The following CEMIP2 variants were observed in gnomAD, a reference collection of about 807,000 sequenced individuals.
CEMIP2 encodes cell surface hyaluronidase CEMIP2.
A neutral mutation model predicts 146.9 loss-of-function variants in CEMIP2; 79 were observed. That is an observed-to-expected ratio of 0.54 (90% CI 0.45 to 0.65). CEMIP2 has a LOEUF of 0.65. CEMIP2 is among the 30% of genes least tolerant of loss of function. The pLI, the probability that CEMIP2 is intolerant of heterozygous loss-of-function variation, is 0.00. For missense variants in CEMIP2, 1,596 were observed against 1,696.2 expected (o/e 0.94, Z 1.04); for synonymous variants, 601 against 606.3 (o/e 0.99, Z 0.13).
intron 1 of CEMIP2, among the ~76,000 whole-genome samples, chr9:71,756,558 G>A (rs1824467314): frequency 6.6e-6 from 1 of 151,390 alleles, no homozygotes; most frequent in South Asian, 2.1e-4. Flanking sequence ...GAGAAAGAGA[G>A]ACAGAGAGAG....
upstream of CEMIP2, chr9:71,768,971 G>C (rs1019332692): frequency 6.6e-6 from 1 of 152,144 alleles, no homozygotes; most frequent in Non-Finnish European, 1.5e-5. Context: ...CAGAGGAGGC[G>C]GTGGCCCCGC....
At chr9:71,728,301 AC>A (rs1823503477) in intron 10 of CEMIP2, among the ~76,000 whole-genome samples, 2 of 34,436 alleles carry the variant, frequency 5.8e-5, no homozygotes, top group South Asian at 1.4e-3. Flanking sequence ...ATATATATAT[AC>A]ATATATATAT....
intron 13 of CEMIP2, 77 bp from the exon 14 acceptor site, chr9:71,716,629 T>C: frequency 2.3e-6 from 3 of 1,280,452 alleles, no homozygotes; most frequent in Non-Finnish European, 3.3e-6. Flanking sequence ...CAATATTTAA[T>C]TATCATGAAA....
At position 71,730,130 on chromosome 9, in the gene CEMIP2, T is replaced by C. The variant is rs958574092; in HGVS notation, c.1897A>G (p.Thr633Ala). The C allele has an allele frequency of 3.7e-6, 6 of 1,614,180 alleles. No homozygotes were observed. Among genetic ancestry groups the C allele is most frequent in the Non-Finnish European group, 5.1e-6 (6 of 1,180,040 alleles). The change falls in exon 9 of 24, where the codon ACC (threonine) becomes GCC (alanine). Residue 633 changes from threonine to alanine, a missense_variant. Coordinates refer to ENST00000377044, the MANE Select transcript of CEMIP2 (RefSeq NM_013390.3). ...LLTKPGTLLP[T>A]DRNNSMCTTM... ...GTACACATGGAGTTGTTCCTATCGG[T>C]GGGCAGGAGAGTACCCGGCTTGGTG...
chr9:71,756,863 G>T (rs1410977236), intron 1 of CEMIP2, among the ~76,000 whole-genome samples: 1 of 152,132 alleles, frequency 6.6e-6, no homozygotes, highest in Admixed American at 6.5e-5. Context: ...ATTATGAAAT[G>T]CAGTAGGCAC....
At chr9:71,710,201 G>A (rs573914090) in intron 16 of CEMIP2, among the ~76,000 whole-genome samples, 1 of 152,264 alleles carries the variant, frequency 6.6e-6, no homozygotes, top group East Asian at 1.9e-4. Flanking sequence ...AACACATAAT[G>A]TACAGCTGCA....
At chr9:71,703,087 A>G (rs1822621521) in intron 18 of CEMIP2, among the ~76,000 whole-genome samples, 1 of 152,238 alleles carries the variant, frequency 6.6e-6, no homozygotes, top group Admixed American at 6.5e-5. Context: ...CACTCTGGCC[A>G]CAATGTGGAC....
intron 6 of CEMIP2, among the ~76,000 whole-genome samples, chr9:71,733,476 T>C (rs1823679212): frequency 6.6e-6 from 1 of 152,194 alleles, no homozygotes; most frequent in South Asian, 2.1e-4. Flanking sequence ...GTTTATGCCC[T>C]GTATTATCAA....
chr9:71,752,559 T>C (rs543057961), intron 1 of CEMIP2, among the ~76,000 whole-genome samples: 1 of 135,124 alleles, frequency 7.4e-6, no homozygotes, highest in South Asian at 2.6e-4. Context: ...GATAAATGTA[T>C]GGTGTGCCCT....
At chr9:71,732,609 C>T (rs1274151847) in intron 6 of CEMIP2, 89 bp from the exon 7 acceptor site, 11 of 1,238,292 alleles carry the variant, frequency 8.9e-6, no homozygotes, top group African/African-American at 1.6e-5. Flanking sequence ...CATTCCATAA[C>T]CCCAAGATGA....
Position 71,694,506 on chromosome 9 carries a change from T to TA in CEMIP2, c.3696+2dup. ...GACTAAGACAACACCAGATGGTACT[T>TA]ACAGAAATAACAGACGGGTCTCCAC... On this transcript the variant is annotated splice_region_variant and intron_variant, in intron 21 of 23. Transcript: ENST00000377044. 1 of 1,609,644 alleles carries TA rather than the reference T, an allele frequency of 6.2e-7. No individual in the cohort carries two copies. Among genetic ancestry groups the TA allele is most frequent in the Non-Finnish European group, 8.5e-7 (1 of 1,176,172 alleles).
At chr9:71,731,131 G>A (rs1306800984) in intron 7 of CEMIP2, 5 of 587,978 alleles carry the variant, frequency 8.5e-6, no homozygotes, top group African/African-American at 1.9e-5. Flanking sequence ...CTCCAATTAG[G>A]AATAAAGGCA....
At position 71,712,119 on chromosome 9, in the gene CEMIP2, G is replaced by A. The variant is rs1330105741; in HGVS notation, c.2733C>T (p.Pro911=). The A allele has an allele frequency of 5.6e-6, 9 of 1,613,984 alleles. No homozygotes were observed. Among genetic ancestry groups the A allele is most frequent in the African/African-American group, 1.3e-5 (1 of 74,914 alleles). Residue 911 remains proline (P), a synonymous_variant, in exon 16 of 24, where the codon CCC becomes CCT. Transcript: ENST00000377044. The stretch of plus-strand genomic sequence containing the variant: ...ACTTCACGAGGGAGATATTATTCCT[G>A]GGGGTTATCTGCCAGGAATTCTTCA... The part of the protein sequence containing the change: ...FLMKNSWQIT[P]RNNISLVKFG...
chr9:71,727,393 A>G (rs1321944398), intron 10 of CEMIP2, among the ~76,000 whole-genome samples: 1 of 152,220 alleles, frequency 6.6e-6, no homozygotes, highest in African/African-American at 2.4e-5. Context: ...AACCTCATAC[A>G]GGCTCAAAAA....
intron 19 of CEMIP2, 50 bp from the exon 20 acceptor site, chr9:71,698,254 T>C: frequency 6.5e-7 from 1 of 1,547,806 alleles, no homozygotes; most frequent in Middle Eastern, 1.7e-4. Flanking sequence ...TCTCAAAAAC[T>C]TACAAAATTC....
At chr9:71,707,128 T>G (rs1339926733) in intron 17 of CEMIP2, among the ~76,000 whole-genome samples, 1 of 152,020 alleles carries the variant, frequency 6.6e-6, no homozygotes, top group African/African-American at 2.4e-5. Context: ...ATGCCCGGCC[T>G]TAGTTTTTAT....
In CEMIP2 at chr9:71,745,184, A is replaced by G. The variant is rs761292530; in HGVS notation, c.868T>C (p.Tyr290His). 2 of 1,613,994 alleles carry G rather than the reference A, an allele frequency of 1.2e-6. No homozygotes were observed. The highest frequency in any genetic ancestry group is 2.7e-5 in the African/African-American group (2 of 74,896). The change falls in exon 4 of 24, where the codon TAC becomes CAC. Residue 290 changes from tyrosine to histidine, a missense_variant. By Grantham distance (83) the Tyr-to-His change is moderately conservative (BLOSUM62 2). Transcript: ENST00000377044. Reference sequence around the variant, plus strand: ...TGAAGCCGCCTGCTCTCATTGCGGTATTCATGGGTATCAAATCTCTCACTT... The same window carrying G: ...TGAAGCCGCCTGCTCTCATTGCGGTGTTCATGGGTATCAAATCTCTCACTT... ...LESERFDTHE[Y>H]RNESRRLQEF...
At chr9:71,740,362 A>G (rs1823879495) in intron 4 of CEMIP2, 130 bp from the exon 5 acceptor site, 1 of 1,122,986 alleles carries the variant, frequency 8.9e-7, no homozygotes, top group Non-Finnish European at 1.3e-6. Context: ...TGTTTTTTCT[A>G]TATGAGGCTG....
At chr9:71,711,269 A>C (rs975996273) in intron 16 of CEMIP2, among the ~76,000 whole-genome samples, 1 of 152,114 alleles carries the variant, frequency 6.6e-6, no homozygotes, top group African/African-American at 2.4e-5. Context: ...TATCAGAAAT[A>C]ACCCAATTTC....
Sources: gnomAD v4.1 joint callset for allele counts (sites outside exome capture counted in the v4.1 genomes callset) on GRCh38, gnomAD v4.1.1 for gene constraint, MANE v1.5 for transcripts, NCBI Gene and HGNC (gene_info 2026-07-23, HGNC 2026-07-21) for gene names.